Variants in MGAT5 observed in about 807,000 individuals in gnomAD.
MGAT5 encodes the protein alpha-1,6-mannosylglycoprotein 6-beta-N-acetylglucosaminyltransferase A.
A neutral mutation model predicts 94.3 loss-of-function variants in MGAT5; 30 were observed. That is an observed-to-expected ratio of 0.32 (90% CI 0.24 to 0.43). MGAT5 has a LOEUF of 0.43. Among genes scored for constraint, MGAT5 ranks in the 20% least tolerant of loss-of-function variants. The probability of loss-of-function intolerance (pLI) is 1.00; values close to 1 mark genes in which losing one functional copy is unlikely to be tolerated. For missense variants in MGAT5, 691 were observed against 905.5 expected (o/e 0.76, Z 3.04); for synonymous variants, 310 against 322.9 (o/e 0.96, Z 0.43).
intron 2 of MGAT5, among the ~76,000 whole-genome samples, chr2:134,310,261 A>C (rs766657830): frequency 1.3e-5 from 2 of 152,226 alleles, no homozygotes; most frequent in Non-Finnish European, 2.9e-5. Flanking sequence ...GATGATGTGC[A>C]TTTCAACAGT....
intron 1 of MGAT5, among the ~76,000 whole-genome samples, chr2:134,208,583 A>G (rs1680132306): frequency 1.3e-5 from 2 of 152,238 alleles, no homozygotes. Context: ...AGGCAAAAAC[A>G]TGCATTTATT....
At chr2:134,374,194 T>C (rs1285485368) in intron 10 of MGAT5, among the ~76,000 whole-genome samples, 1 of 152,114 alleles carries the variant, frequency 6.6e-6, no homozygotes, top group African/African-American at 2.4e-5. Flanking sequence ...ATTGGGCCAG[T>C]TGAAGGAAGT....
At chr2:134,294,952 G>C (rs1466004227) in intron 2 of MGAT5, among the ~76,000 whole-genome samples, 1 of 152,156 alleles carries the variant, frequency 6.6e-6, no homozygotes, top group Non-Finnish European at 1.5e-5. Flanking sequence ...ATGGAAACTG[G>C]ACACAGCAGT....
chr2:134,386,173 C>G (rs1296598760), intron 10 of MGAT5, among the ~76,000 whole-genome samples: 2 of 152,116 alleles, frequency 1.3e-5, no homozygotes, highest in African/African-American at 4.8e-5. Flanking sequence ...ATGGAAAAAT[C>G]ACTTAAGCAT....
chr2:134,420,758 T>C (rs943122870), intron 12 of MGAT5, among the ~76,000 whole-genome samples: 12 of 152,170 alleles, frequency 7.9e-5, no homozygotes, highest in African/African-American at 2.7e-4. Flanking sequence ...GAGATGAAAT[T>C]TGTAAATTAT....
In MGAT5 at chr2:134,270,498, C is replaced by A. The variant is rs116123889; in HGVS notation, c.354C>A (p.Asn118Lys). The change falls in exon 2 of 16, where the codon AAC becomes AAA. Residue 118 changes from asparagine to lysine, a missense_variant. This residue lies in a region of MGAT5 where 307 missense variants were observed against 335.4 expected (regional missense o/e 0.92). Coordinates refer to ENST00000281923, the MANE Select transcript of MGAT5 (RefSeq NM_002410.5). ...ATGGCACCGGAACAAACTCAACCAA[C>A]TCCACTACAGCTGTTCCCAGCTTGG... ...VVNGTGTNST[N>K]STTAVPSLVA... is the part of the protein sequence containing the mutation. The A allele has an allele frequency of 6.2e-7, 1 of 1,614,198 alleles. No homozygotes were observed. Among genetic ancestry groups the A allele is most frequent in the Non-Finnish European group, 8.5e-7 (1 of 1,180,024 alleles).
At chr2:134,232,576 A>G (rs2105401941) in intron 1 of MGAT5, among the ~76,000 whole-genome samples, 1 of 152,338 alleles carries the variant, frequency 6.6e-6, no homozygotes, top group South Asian at 2.1e-4. Context: ...AAAACAGTAC[A>G]AAGAGACCCA....
intron 1 of MGAT5, among the ~76,000 whole-genome samples, chr2:134,156,195 T>C (rs1276268153): frequency 2.6e-5 from 4 of 152,264 alleles, no homozygotes; most frequent in Non-Finnish European, 4.4e-5. Flanking sequence ...GTGCATGAGA[T>C]CTTGTTTATT....
intron 10 of MGAT5, among the ~76,000 whole-genome samples, chr2:134,398,674 A>T (rs1346870116): frequency 6.6e-6 from 1 of 152,222 alleles, no homozygotes; most frequent in African/African-American, 2.4e-5. Flanking sequence ...ATACGGAATT[A>T]GCTTGAGTGT....
At chr2:134,378,815 C>T (rs1681361455) in intron 10 of MGAT5, among the ~76,000 whole-genome samples, 1 of 152,056 alleles carries the variant, frequency 6.6e-6, no homozygotes, top group South Asian at 2.1e-4. Context: ...GGGGTTTTGC[C>T]ATGTTGGCCA....
chr2:134,241,886 A>G (rs1230581438), intron 1 of MGAT5, among the ~76,000 whole-genome samples: 1 of 152,254 alleles, frequency 6.6e-6, no homozygotes, highest in Non-Finnish European at 1.5e-5. Flanking sequence ...TCATTCAGAT[A>G]CAATTTCTTT....
At chr2:134,189,602 G>GTTTTTTTGTTTTTTTTT (rs1558978069) in intron 1 of MGAT5, among the ~76,000 whole-genome samples, 2 of 84,674 alleles carry the variant, frequency 2.4e-5, no homozygotes, top group African/African-American at 4.8e-5. Flanking sequence ...GTTTTTTTTT[G>GTTTTTTTGTTTTTTTTT]TTTTTTTTTT....
At chr2:134,161,373 C>T (rs1687725108) in intron 1 of MGAT5, among the ~76,000 whole-genome samples, 1 of 152,200 alleles carries the variant, frequency 6.6e-6, no homozygotes, top group African/African-American at 2.4e-5. Flanking sequence ...TTTGTGTTAT[C>T]AGACCATTGC....
At chr2:134,321,410 A>G (rs1202011150) in intron 4 of MGAT5, among the ~76,000 whole-genome samples, 2 of 152,124 alleles carry the variant, frequency 1.3e-5, no homozygotes, top group African/African-American at 4.8e-5. Flanking sequence ...CTTGGAAGGC[A>G]TGGAGAGTGA....
At chr2:134,423,799 G>A (rs7591526) in intron 13 of MGAT5, among the ~76,000 whole-genome samples, 48,296 of 151,990 alleles carry the variant, frequency 0.32, 9,443 homozygotes, top group African/African-American at 0.54. Context: ...GATAATGTAT[G>A]TAAAGTGCTT....
At chr2:134,302,114 C>T (rs910025640) in intron 2 of MGAT5, among the ~76,000 whole-genome samples, 1 of 152,152 alleles carries the variant, frequency 6.6e-6, no homozygotes. Flanking sequence ...TGATTTAACT[C>T]TGTCATTGTA....
chr2:134,132,998 G>C lies in MGAT5; in HGVS notation c.-143+12707G>C, dbSNP rs1370239730. Among the ~76,000 whole-genome samples the C allele has an allele frequency of 2.6e-5, 4 of 152,130 alleles. No homozygotes were observed. The East Asian group carries it at 7.7e-4, about 29-fold the overall frequency. On this transcript the variant is annotated intron_variant, in intron 1 of 16. Transcript: ENST00000409645. ...ATTTATTTTTAAATAAGGCTTTCTAGTGGAAACTAACTGGAATTAAAATGG... is the reference window on the plus strand; with the variant it reads ...ATTTATTTTTAAATAAGGCTTTCTACTGGAAACTAACTGGAATTAAAATGG...
Position 134,125,199 on chromosome 2 carries a change from A to T in MGAT5, c.-143+4908A>T, listed in dbSNP as rs548592359. Among the ~76,000 whole-genome samples, 7 of 152,354 alleles carry T rather than the reference A, an allele frequency of 4.6e-5. No homozygotes were observed. The East Asian group carries it at 1.3e-3, about 29-fold the overall frequency. ...GCATTATTGCAAATGCTTCTTTTGT[A>T]CTACAGGTATTTCACTCAACAATGA... On this transcript the variant is annotated intron_variant, in intron 1 of 16. Coordinates refer to the MGAT5 transcript ENST00000409645.
intron 4 of MGAT5, among the ~76,000 whole-genome samples, chr2:134,327,870 C>CA (rs891462780): frequency 6.6e-6 from 1 of 151,754 alleles, no homozygotes; most frequent in Non-Finnish European, 1.5e-5. Context: ...ACATTAAACA[C>CA]AAAAAAAGAG....
Sources: gnomAD v4.1 joint callset for allele counts (sites outside exome capture counted in the v4.1 genomes callset) on GRCh38, gnomAD v4.1.1 for gene constraint, gnomAD v4.1.1 regional missense constraint, MANE v1.5 for transcripts, NCBI Gene and HGNC (gene_info 2026-07-23, HGNC 2026-07-21) for gene names.